Variants in ZFAND3 observed in about 807,000 individuals in gnomAD.
ZFAND3 encodes AN1-type zinc finger protein 3.
A neutral mutation model predicts 29.6 loss-of-function variants in ZFAND3; 10 were observed. The ratio of observed to expected loss-of-function variants is 0.34; its 90% CI spans 0.21 to 0.57. The LOEUF (loss-of-function observed/expected upper bound fraction) is 0.57. Among genes scored for constraint, ZFAND3 ranks in the 20% least tolerant of loss-of-function variants. The pLI is 0.86. For synonymous variants in ZFAND3, 128 were observed against 112.6 expected (o/e 1.14, Z -0.87); for missense variants, 230 against 304.5 (o/e 0.76, Z 1.82).
At chr6:37,854,764 GCCC>G (rs5875599) in intron 1 of ZFAND3, among the ~76,000 whole-genome samples, 9,698 of 122,292 alleles carry the variant, frequency 0.079, 554 homozygotes, top group Middle Eastern at 0.13. Context: ...AGGCTAAAAT[GCCC>G]CCCCCCCCCT....
rs1401681176 is a variant in ZFAND3, at chr6:38,036,328, G to C, written c.113-25265G>C. On this transcript the variant is annotated intron_variant, in intron 2 of 5. Transcript: ENST00000287218. Reference sequence around the variant, plus strand: ...GAAGCTGCATACTGCAGGGTAAATAGGCTTCACAGAATTATTCCAGCCAAG... The same window carrying C: ...GAAGCTGCATACTGCAGGGTAAATACGCTTCACAGAATTATTCCAGCCAAG... 2.0e-5 allele frequency among the ~76,000 whole-genome samples: 3 copies of C among 152,136 alleles called. No individual in the cohort carries two copies. In the East Asian group the frequency reaches 5.8e-4, roughly 29 times the overall value.
At chr6:38,071,487 A>G (rs943828166) in intron 3 of ZFAND3, among the ~76,000 whole-genome samples, 5 of 152,080 alleles carry the variant, frequency 3.3e-5, no homozygotes, top group African/African-American at 9.7e-5. Context: ...TAAAATGCTA[A>G]TACTATTACA....
chr6:37,982,524 A>G (rs1333038534), intron 2 of ZFAND3, among the ~76,000 whole-genome samples: 1 of 152,096 alleles, frequency 6.6e-6, no homozygotes. Flanking sequence ...GAACTGAAAA[A>G]ACTCCTATTG....
chr6:38,092,862 A>C (rs1215334993), intron 4 of ZFAND3, among the ~76,000 whole-genome samples: 1 of 152,194 alleles, frequency 6.6e-6, no homozygotes, highest in African/African-American at 2.4e-5. Context: ...CTGGTACTTC[A>C]TGTATTTGTC....
intron 1 of ZFAND3, among the ~76,000 whole-genome samples, chr6:37,861,083 C>G (rs1191716208): frequency 6.6e-6 from 1 of 151,940 alleles, no homozygotes; most frequent in Non-Finnish European, 1.5e-5. Context: ...ATGGTGAAAC[C>G]CTGTTTTTAC....
intron 1 of ZFAND3, among the ~76,000 whole-genome samples, chr6:37,925,004 A>T (rs2127410631): frequency 6.6e-6 from 1 of 152,052 alleles, no homozygotes; most frequent in Middle Eastern, 3.4e-3. Context: ...AAATGTGGTG[A>T]ATGAGGGGGC....
intron 1 of ZFAND3, among the ~76,000 whole-genome samples, chr6:37,906,700 GTTTTTTT>G (rs5875602): frequency 1.4e-5 from 2 of 143,932 alleles, no homozygotes; most frequent in Non-Finnish European, 3.0e-5. Flanking sequence ...CTTACTTTCT[GTTTTTTT>G]TTTTTTTAAT....
At chr6:37,864,752 CACACACACACACACACACAT>C (rs1764556481) in intron 1 of ZFAND3, among the ~76,000 whole-genome samples, 1 of 150,814 alleles carries the variant, frequency 6.6e-6, no homozygotes, top group Non-Finnish European at 1.5e-5. Flanking sequence ...CACACACACA[CACACACACACACACACACAT>C]GCACACATAC....
chr6:37,972,370 C>G (rs985989429), intron 2 of ZFAND3, among the ~76,000 whole-genome samples: 3 of 152,206 alleles, frequency 2.0e-5, no homozygotes, highest in Non-Finnish European at 4.4e-5. Flanking sequence ...CTCTGTGAGG[C>G]TTCAGAAATA....
At chr6:37,922,083 T>C (rs763793525) in intron 1 of ZFAND3, among the ~76,000 whole-genome samples, 3 of 151,714 alleles carry the variant, frequency 2.0e-5, no homozygotes, top group Non-Finnish European at 4.4e-5. Flanking sequence ...ATATAAAATA[T>C]AAAATAAAAT....
chr6:38,080,160 G>A (rs533466374), intron 3 of ZFAND3, among the ~76,000 whole-genome samples: 2 of 152,032 alleles, frequency 1.3e-5, no homozygotes, highest in South Asian at 2.1e-4. Flanking sequence ...CTGTCGGAGG[G>A]TGGGGGTCTA....
At position 37,968,287 on chromosome 6, in the gene ZFAND3, A is replaced by G. The variant is rs377156938; in HGVS notation, c.112+38288A>G. On this transcript the variant is annotated intron_variant, in intron 2 of 5. Transcript: ENST00000287218. ...CAAGAGGGCTAAGAATGGATGGGGG[A>G]AAAAAAGCGTTTTTATTGAAATTAT... 1.3e-4 allele frequency among the ~76,000 whole-genome samples: 19 copies of G among 151,764 alleles called. 1 individual carries two copies. Among genetic ancestry groups the G allele is most frequent in the Non-Finnish European group, 1.8e-4 (12 of 67,920 alleles).
rs1241798963 is a variant in ZFAND3 at position 38,047,964 on chromosome 6, G to GTTTTTT, written c.113-13626_113-13621dup. Among the ~76,000 whole-genome samples the GTTTTTT allele has an allele frequency of 1.0e-3, 128 of 126,244 alleles. 1 individual carries two copies. The highest frequency in any genetic ancestry group is 3.5e-3 in the African/African-American group (125 of 36,110). The allele number at this position is 126,244 out of a possible 152,430, so 82.8% of individuals were successfully genotyped here. On this transcript the variant is annotated intron_variant, in intron 2 of 5. Coordinates refer to ENST00000287218, the MANE Select transcript of ZFAND3 (RefSeq NM_021943.3). The stretch of plus-strand genomic sequence containing the variant: ...ATCTGTTCCAGACCTAGGTTTTTGG[G>GTTTTTT]TTTTTTTTGTTTTTTTTTTTTTTAC...
intron 1 of ZFAND3, among the ~76,000 whole-genome samples, chr6:37,825,401 TTTAAA>T (rs1402598001): frequency 6.6e-6 from 1 of 152,250 alleles, no homozygotes. Context: ...TAAAACATGA[TTTAAA>T]TTAAGTATTC....
intron 5 of ZFAND3, among the ~76,000 whole-genome samples, chr6:38,145,195 G>A (rs1766078204): frequency 6.6e-6 from 1 of 152,228 alleles, no homozygotes; most frequent in South Asian, 2.1e-4. Context: ...GGCCACTGGG[G>A]GAAGGGAACC....
chr6:37,883,714 G>A (rs1581732765), intron 1 of ZFAND3, among the ~76,000 whole-genome samples: 1 of 144,452 alleles, frequency 6.9e-6, no homozygotes, highest in South Asian at 2.1e-4. Flanking sequence ...GCTAATTTTT[G>A]TATTTTTAGT....
At chr6:38,023,827 C>G (rs1173846723) in intron 2 of ZFAND3, among the ~76,000 whole-genome samples, 3 of 152,138 alleles carry the variant, frequency 2.0e-5, no homozygotes, top group Non-Finnish European at 4.4e-5. Context: ...CTATCACTGT[C>G]TAAATTACTC....
intron 1 of ZFAND3, among the ~76,000 whole-genome samples, chr6:37,820,461 C>T (rs1292547536): frequency 1.3e-5 from 2 of 152,222 alleles, no homozygotes; most frequent in South Asian, 2.1e-4. Flanking sequence ...TCCCCTCCTC[C>T]CCGTCCTCCG....
rs1215907079 is a variant in ZFAND3, at chr6:37,819,927, T to TCCG, written c.-9_-7dup. The stretch of plus-strand genomic sequence containing the variant: ...GCCGCCACCGCTGCCGCCGCCGAGC[T>TCCG]CCGCCGCCGCCGAGCACCATGGGAG... On this transcript the variant is annotated 5_prime_UTR_variant, in exon 1 of 6. Transcript: ENST00000287218. 1.2e-5 allele frequency: 15 copies of TCCG among 1,210,122 alleles called. No homozygotes were observed. Among genetic ancestry groups the TCCG allele is most frequent in the South Asian group, 3.9e-5 (1 of 25,358 alleles). The allele number at this position is 1,210,122 out of a possible 1,614,324, so 75.0% of individuals were successfully genotyped here.
Sources: allele counts gnomAD v4.1 joint callset (sites outside exome capture counted in the v4.1 genomes callset), GRCh38; gene constraint gnomAD v4.1.1; transcripts MANE v1.5; gene names NCBI Gene and HGNC (gene_info 2026-07-23, HGNC 2026-07-21).